THSD7B: variants seen among roughly 807,000 people sequenced by gnomAD.
The protein encoded by THSD7B is thrombospondin type 1 domain containing 7B, also known as thrombospondin type-1 domain-containing protein 7B.
Under a neutral mutation model 213.6 loss-of-function variants are expected in THSD7B, and 138 were observed. The ratio of observed to expected loss-of-function variants is 0.65; its 90% confidence interval spans 0.56 to 0.74. The LOEUF is 0.74. THSD7B is among the 30% of genes least tolerant of loss of function. The pLI is 0.00. For synonymous variants in THSD7B, 742 were observed against 687.0 expected (o/e 1.08, Z -1.25); for missense variants, 1,931 against 1,991.5 (o/e 0.97, Z 0.58).
At chr2:136,966,021 ATTTG>A (rs1685307358) in intron 2 of THSD7B, among the ~76,000 whole-genome samples, 1 of 152,044 alleles carries the variant, frequency 6.6e-6, no homozygotes, top group African/African-American at 2.4e-5. Context: ...TCTTGGGCTT[ATTTG>A]TTTGATTAAT....
intron 12 of THSD7B, among the ~76,000 whole-genome samples, chr2:137,382,294 C>T (rs1456850129): frequency 6.6e-6 from 1 of 152,232 alleles, no homozygotes; most frequent in Non-Finnish European, 1.5e-5. Flanking sequence ...AGTGGCAACA[C>T]TCCTCTTGCC....
intron 1 of THSD7B, among the ~76,000 whole-genome samples, chr2:136,815,281 T>C (rs1682451325): frequency 6.6e-6 from 1 of 152,200 alleles, no homozygotes; most frequent in Non-Finnish European, 1.5e-5. Context: ...GAAAAAGAAT[T>C]GACTTGAGTA....
Position 137,145,762 on chromosome 2 carries a change from A to G in THSD7B, c.1370-14451A>G, listed in dbSNP as rs767479508. Reference sequence around the variant, plus strand: ...TTTTTCATATGTTATTTAAAGAACTATATTACTTTGAAAAATTCATTTTAC... The same window carrying G: ...TTTTTCATATGTTATTTAAAGAACTGTATTACTTTGAAAAATTCATTTTAC... On this transcript the variant is annotated intron_variant, in intron 5 of 27. Coordinates refer to ENST00000409968, the MANE Select transcript of THSD7B (RefSeq NM_001316349.2). Among the ~76,000 whole-genome samples the G allele has an allele frequency of 5.3e-5, 8 of 152,096 alleles. No homozygotes were observed. The East Asian group carries it at 1.3e-3, about 26-fold the overall frequency.
At chr2:137,535,885 T>C (rs1680496396) in intron 15 of THSD7B, among the ~76,000 whole-genome samples, 2 of 151,274 alleles carry the variant, frequency 1.3e-5, no homozygotes, top group African/African-American at 4.8e-5. Flanking sequence ...GGGAACAGAC[T>C]TGGAGACAGA....
rs1257957741 is a variant in THSD7B, at chr2:137,487,990, C to G, written c.3138+36967C>G. ...GTTTTAGCCGGGATGGTCTCGATCTCCTGACCTCGTGATCCGCCCGCCTCG... is the reference window on the plus strand; with the variant it reads ...GTTTTAGCCGGGATGGTCTCGATCTGCTGACCTCGTGATCCGCCCGCCTCG... On this transcript the variant is annotated intron_variant, in intron 15 of 27. Coordinates refer to ENST00000409968, the MANE Select transcript of THSD7B (RefSeq NM_001316349.2). Among the ~76,000 whole-genome samples the G allele has an allele frequency of 1.5e-4, 2 of 13,670 alleles. 1 individual carries two copies. The highest frequency in any genetic ancestry group is 3.0e-4 in the African/African-American group (2 of 6,624). 9.0% of individuals were successfully genotyped at this position (13,670 alleles called of 152,430 possible).
chr2:137,438,910 A>G (rs1189416736), intron 14 of THSD7B, among the ~76,000 whole-genome samples: 1 of 152,216 alleles, frequency 6.6e-6, no homozygotes, highest in East Asian at 1.9e-4. Flanking sequence ...GGTAGGCTGT[A>G]AAACCAATTA....
intron 3 of THSD7B, among the ~76,000 whole-genome samples, chr2:137,071,507 T>C (rs1687488196): frequency 6.6e-6 from 1 of 152,236 alleles, no homozygotes; most frequent in Admixed American, 6.5e-5. Context: ...TTTTGTAGGT[T>C]GCCTGTTCAC....
At chr2:137,285,597 T>TTTC (rs1420835409) in intron 12 of THSD7B, among the ~76,000 whole-genome samples, 1 of 149,546 alleles carries the variant, frequency 6.7e-6, no homozygotes, top group Admixed American at 6.7e-5. Context: ...TTTTTTTTTT[T>TTTC]AGAAAAGATG....
At chr2:136,816,951 T>C (rs1166074017) in intron 1 of THSD7B, among the ~76,000 whole-genome samples, 1 of 152,198 alleles carries the variant, frequency 6.6e-6, no homozygotes, top group Admixed American at 6.5e-5. Flanking sequence ...TGCTGAACTT[T>C]CTTATTAATT....
chr2:137,272,772 C>A, intron 11 of THSD7B, 110 bp downstream of exon 11: 1 of 1,129,644 alleles, frequency 8.9e-7, no homozygotes, highest in Non-Finnish European at 1.3e-6. Flanking sequence ...GGGGATCTGA[C>A]ATTTACATAT....
intron 1 of THSD7B, among the ~76,000 whole-genome samples, chr2:136,784,353 C>T (rs1681800416): frequency 6.6e-6 from 1 of 152,106 alleles, no homozygotes; most frequent in African/African-American, 2.4e-5. Flanking sequence ...TGGTTCATTC[C>T]TTCTATCATT....
intron 2 of THSD7B, among the ~76,000 whole-genome samples, chr2:137,028,166 G>A (rs554310303): frequency 6.6e-6 from 1 of 152,246 alleles, no homozygotes; most frequent in African/African-American, 2.4e-5. Context: ...TGGTGTCAAA[G>A]CAATGCAGTC....
intron 1 of THSD7B, among the ~76,000 whole-genome samples, chr2:136,817,785 C>G (rs1300475919): frequency 1.3e-5 from 2 of 149,494 alleles, no homozygotes; most frequent in Non-Finnish European, 3.0e-5. Context: ...AGCCAAAAAA[C>G]ACATGAAAAA....
At chr2:136,838,422 G>T (rs551512583) in intron 1 of THSD7B, among the ~76,000 whole-genome samples, 1 of 152,252 alleles carries the variant, frequency 6.6e-6, no homozygotes, top group African/African-American at 2.4e-5. Context: ...TCCAAATGAA[G>T]CTGTATAATA....
intron 14 of THSD7B, among the ~76,000 whole-genome samples, chr2:137,412,893 CTT>C (rs59348687): frequency 3.6e-5 from 5 of 140,128 alleles, no homozygotes; most frequent in African/African-American, 5.2e-5. Context: ...TTCTTTCTTT[CTT>C]TTTTTTTTTT....
intron 2 of THSD7B, among the ~76,000 whole-genome samples, chr2:136,920,314 G>C (rs972466093): frequency 6.6e-6 from 1 of 152,182 alleles, no homozygotes; most frequent in African/African-American, 2.4e-5. Context: ...TGAGTGTCCA[G>C]CTCTCAGCAG....
At chr2:136,918,730 A>G (rs1684385646) in intron 2 of THSD7B, among the ~76,000 whole-genome samples, 1 of 152,232 alleles carries the variant, frequency 6.6e-6, no homozygotes, top group Admixed American at 6.5e-5. Flanking sequence ...TATGTCAGGA[A>G]GCAATCTGGC....
chr2:136,956,155 T>G (rs1685120378), intron 2 of THSD7B, among the ~76,000 whole-genome samples: 1 of 152,164 alleles, frequency 6.6e-6, no homozygotes, highest in Admixed American at 6.5e-5. Flanking sequence ...TTACCCTGAA[T>G]TATTAAACTG....
intron 15 of THSD7B, among the ~76,000 whole-genome samples, chr2:137,507,159 C>CAA (rs1306155386): frequency 6.6e-6 from 1 of 152,156 alleles, no homozygotes; most frequent in Non-Finnish European, 1.5e-5. Context: ...CCTCGTCTTA[C>CAA]AATGACAGCT....
Sources: gnomAD v4.1 joint callset for allele counts (sites outside exome capture counted in the v4.1 genomes callset) on GRCh38, gnomAD v4.1.1 for gene constraint, MANE v1.5 for transcripts, NCBI Gene and HGNC (gene_info 2026-07-23, HGNC 2026-07-21) for gene names.